Variants in RANBP2 observed in about 807,000 individuals in gnomAD.
RANBP2 encodes RAN binding protein 2, also known as E3 SUMO-protein ligase RanBP2.
RANBP2 carries 57 observed loss-of-function variants against 303.6 expected under a neutral mutation model. The ratio of observed to expected loss-of-function variants is 0.19; its 90% CI spans 0.15 to 0.23. The LOEUF is 0.23. RANBP2 is among the 10% of genes least tolerant of loss of function. The pLI is 1.00. For synonymous variants in RANBP2, 1,167 were observed against 1,301.5 expected (o/e 0.90, Z 2.23); for missense variants, 3,138 against 3,780.8 (o/e 0.83, Z 4.46).
At chr2:109,171,059 G>A in the RANBP2 span, among the ~76,000 whole-genome samples, 1 of 152,162 alleles carries the variant, frequency 6.6e-6, no homozygotes, top group Admixed American at 6.5e-5. Context: ...TCCTGGTTTG[G>A]TTCATGGGCA....
At chr2:109,063,055 C>A in the RANBP2 span, among the ~76,000 whole-genome samples, 1 of 152,198 alleles carries the variant, frequency 6.6e-6, no homozygotes, top group African/African-American at 2.4e-5. Flanking sequence ...GCGCCTTCCT[C>A]GCCTTGTCCA....
chr2:108,947,109 C>A, the RANBP2 span, among the ~76,000 whole-genome samples: 2 of 152,122 alleles, frequency 1.3e-5, no homozygotes, highest in East Asian at 1.9e-4. Context: ...AAAAATTGGC[C>A]AAAACAAAGG....
chr2:109,458,162 C>T, the RANBP2 span, among the ~76,000 whole-genome samples: 2 of 152,198 alleles, frequency 1.3e-5, no homozygotes, highest in African/African-American at 4.8e-5. Context: ...TTTTTATTCA[C>T]CTGATAAGCT....
At chr2:108,798,811 A>C in the RANBP2 span, among the ~76,000 whole-genome samples, 7 of 87,356 alleles carry the variant, frequency 8.0e-5, no homozygotes, top group Non-Finnish European at 1.1e-4. Flanking sequence ...CCTCCTCTCC[A>C]CACCTACACA....
the RANBP2 span, among the ~76,000 whole-genome samples, chr2:109,236,309 A>G: frequency 6.6e-6 from 1 of 152,174 alleles, no homozygotes; most frequent in Admixed American, 6.5e-5. Context: ...GTGTCGGGGC[A>G]GGGGAATAAT....
chr2:108,912,311 G>A, the RANBP2 span, among the ~76,000 whole-genome samples: 3 of 152,212 alleles, frequency 2.0e-5, no homozygotes, highest in Non-Finnish European at 4.4e-5. Context: ...GCTATGGTCA[G>A]CATGTTTATA....
At chr2:108,738,187 T>C (rs1695776168) in intron 6 of RANBP2, among the ~76,000 whole-genome samples, 1 of 151,996 alleles carries the variant, frequency 6.6e-6, no homozygotes, top group African/African-American at 2.4e-5. Flanking sequence ...GCCATTCTCC[T>C]GCCTCAGCCT....
At chr2:109,561,280 G>C in the RANBP2 span, among the ~76,000 whole-genome samples, 3 of 152,022 alleles carry the variant, frequency 2.0e-5, no homozygotes, top group Non-Finnish European at 1.5e-5. Context: ...AGTTACTACA[G>C]CTCAAAATAG....
intron 7 of RANBP2, among the ~76,000 whole-genome samples, chr2:108,742,459 A>G (rs1218232949): frequency 6.6e-6 from 1 of 151,822 alleles, no homozygotes; most frequent in African/African-American, 2.4e-5. Flanking sequence ...ACACACCACC[A>G]TGCCTGGCTA....
chr2:109,691,937 C>T, the RANBP2 span, among the ~76,000 whole-genome samples: 32 of 152,000 alleles, frequency 2.1e-4, no homozygotes, highest in African/African-American at 6.5e-4. Context: ...CGCCCGCCAC[C>T]GTGCCCAGCT....
At chr2:109,025,486 T>C in the RANBP2 span, among the ~76,000 whole-genome samples, 2 of 152,162 alleles carry the variant, frequency 1.3e-5, no homozygotes, top group Non-Finnish European at 2.9e-5. Context: ...GAGCCAAAAA[T>C]ATTTTCTGGA....
At chr2:109,596,364 T>A in the RANBP2 span, among the ~76,000 whole-genome samples, 1 of 152,256 alleles carries the variant, frequency 6.6e-6, no homozygotes, top group Admixed American at 6.5e-5. Context: ...ACGCCTGTAA[T>A]TCCAGCAGTT....
the RANBP2 span, chr2:108,894,600 A>G: frequency 6.6e-6 from 1 of 152,406 alleles, no homozygotes; most frequent in African/African-American, 2.4e-5. Flanking sequence ...GTGTTTTCTA[A>G]ATGTTTTAAA....
chr2:109,330,417 A>T, the RANBP2 span, among the ~76,000 whole-genome samples: 1 of 151,692 alleles, frequency 6.6e-6, no homozygotes, highest in East Asian at 1.9e-4. Flanking sequence ...CCTGTTGATT[A>T]TTCCTTAGTC....
chr2:108,929,562 C>A, the RANBP2 span, among the ~76,000 whole-genome samples: 2 of 152,206 alleles, frequency 1.3e-5, no homozygotes, highest in Non-Finnish European at 2.9e-5. Flanking sequence ...TCTGGGCTTG[C>A]CCCTCTCCTC....
At chr2:109,489,441 C>T in the RANBP2 span, among the ~76,000 whole-genome samples, 1 of 152,208 alleles carries the variant, frequency 6.6e-6, no homozygotes, top group Non-Finnish European at 1.5e-5. Context: ...GCTTGGGCCT[C>T]ACGGAAAGTC....
chr2:108,971,388 A>G, the RANBP2 span, among the ~76,000 whole-genome samples: 6 of 152,006 alleles, frequency 3.9e-5, no homozygotes, highest in Non-Finnish European at 8.8e-5. Flanking sequence ...TCTTCATTGT[A>G]ACAAGACCCC....
Position 108,766,599 on chromosome 2 carries a change from C to G in RANBP2, c.6060C>G (p.Pro2020=), listed in dbSNP as rs4012040. ...ATTTTGAACCAGTAGTTCAAATGCC[C>G]GAAAAAGTAGAACTTGTAACAGGAG... ...DIHFEPVVQM[P]EKVELVTGEE... The change falls in exon 20 of 29, where the codon CCC becomes CCG. Residue 2020 remains proline (P), a synonymous_variant. Transcript: ENST00000283195. The G allele has an allele frequency of 5.6e-6, 9 of 1,611,634 alleles. No homozygotes were observed. Among genetic ancestry groups the G allele is most frequent in the Non-Finnish European group, 6.8e-6 (8 of 1,179,802 alleles).
chr2:109,704,319 G>C, the RANBP2 span, among the ~76,000 whole-genome samples: 1 of 152,006 alleles, frequency 6.6e-6, no homozygotes, highest in African/African-American at 2.4e-5. Context: ...AGGCCGAGGT[G>C]GAAGGATCAC....
Sources: allele counts gnomAD v4.1 joint callset (sites outside exome capture counted in the v4.1 genomes callset), GRCh38; gene constraint gnomAD v4.1.1; transcripts MANE v1.5; gene names NCBI Gene and HGNC (gene_info 2026-07-23, HGNC 2026-07-21).